Variants in KDM4C observed in about 807,000 individuals in gnomAD.
KDM4C encodes lysine-specific demethylase 4C.
In KDM4C, 81 loss-of-function variants were observed where a neutral mutation model predicts 129.3. That is an observed-to-expected ratio of 0.63 (90% CI 0.52 to 0.75). The LOEUF (loss-of-function observed/expected upper bound fraction) is 0.75, where lower values mean the gene tolerates loss of function less well. Among genes scored for constraint, KDM4C ranks in the 30% least tolerant of loss-of-function variants. The probability of loss-of-function intolerance (pLI) is 0.00; values close to 1 mark genes in which losing one functional copy is unlikely to be tolerated. For missense variants in KDM4C, 1,457 were observed against 1,304.0 expected (o/e 1.12, Z -1.81); for synonymous variants, 573 against 456.1 (o/e 1.26, Z -3.26).
chr9:7,021,140 G>GTGTA (rs111565497), intron 15 of KDM4C, among the ~76,000 whole-genome samples: 1,720 of 146,924 alleles, frequency 0.012, 38 homozygotes, highest in African/African-American at 0.041. Flanking sequence ...GTGTGTGTGT[G>GTGTA]TATATATATA....
intron 17 of KDM4C, among the ~76,000 whole-genome samples, chr9:7,075,030 G>T (rs969334928): frequency 2.0e-5 from 3 of 152,142 alleles, no homozygotes; most frequent in African/African-American, 7.2e-5. Flanking sequence ...GCAATAAACA[G>T]AGTCTCCTCT....
intron 17 of KDM4C, among the ~76,000 whole-genome samples, chr9:7,050,392 T>G (rs1008462993): frequency 3.6e-5 from 5 of 137,616 alleles, no homozygotes; most frequent in African/African-American, 1.4e-4. Context: ...GTATAATTCT[T>G]CAGCTCCTGG....
chr9:6,781,820 ATTT>A (rs771374868), intron 1 of KDM4C, among the ~76,000 whole-genome samples: 3 of 142,394 alleles, frequency 2.1e-5, no homozygotes, highest in African/African-American at 2.6e-5. Flanking sequence ...GTTATAAATA[ATTT>A]TTTTTTTTTT....
intron 21 of KDM4C, chr9:7,171,041 C>CGCTT (rs1250129401): frequency 6.6e-6 from 1 of 152,316 alleles, no homozygotes; most frequent in Non-Finnish European, 1.5e-5. Flanking sequence ...GGGTTGGACA[C>CGCTT]GCTTGCCTTA....
rs570387462 is a variant in KDM4C at position 6,993,251 on chromosome 9, T to C, written c.1786+2727T>C. ...TTTACATAAAAATTAGCATCTAACT[T>C]ATTCTTTTTTGGTGAAAAATAATGT... On this transcript the variant is annotated intron_variant, in intron 12 of 21. Transcript: ENST00000381309. Among the ~76,000 whole-genome samples the C allele has an allele frequency of 2.0e-5, 3 of 152,342 alleles. No individual in the cohort carries two copies. In the East Asian group the frequency reaches 5.8e-4, roughly 29 times the overall value.
chr9:7,030,496 G>A (rs1005816045), intron 15 of KDM4C, among the ~76,000 whole-genome samples: 3 of 152,130 alleles, frequency 2.0e-5, no homozygotes, highest in African/African-American at 7.2e-5. Flanking sequence ...AGGTTCATCA[G>A]TTGTAACAAA....
At chr9:7,143,835 T>C (rs554514999) in intron 19 of KDM4C, among the ~76,000 whole-genome samples, 3 of 152,348 alleles carry the variant, frequency 2.0e-5, no homozygotes, top group Admixed American at 1.3e-4. Flanking sequence ...GAGTAGTCTC[T>C]GTTGAAATGC....
At chr9:7,052,287 A>G (rs1465103357) in intron 17 of KDM4C, among the ~76,000 whole-genome samples, 1 of 152,250 alleles carries the variant, frequency 6.6e-6, no homozygotes, top group African/African-American at 2.4e-5. Flanking sequence ...TCTTATGGAA[A>G]TTGAACAACC....
At chr9:6,787,512 C>G (rs917275851) in intron 1 of KDM4C, among the ~76,000 whole-genome samples, 7 of 152,226 alleles carry the variant, frequency 4.6e-5, no homozygotes, top group African/African-American at 1.7e-4. Context: ...GGATTACAGG[C>G]GTGAGCCACC....
intron 8 of KDM4C, among the ~76,000 whole-genome samples, chr9:6,956,463 G>C (rs1171491607): frequency 6.6e-6 from 1 of 152,124 alleles, no homozygotes; most frequent in African/African-American, 2.4e-5. Context: ...GGTGTTTGTT[G>C]CCCACTAAAA....
intron 6 of KDM4C, among the ~76,000 whole-genome samples, chr9:6,883,567 G>T (rs1227728041): frequency 6.6e-6 from 1 of 152,168 alleles, no homozygotes; most frequent in East Asian, 1.9e-4. Context: ...TTCCTAGTGG[G>T]ATTTTAGACA....
intron 18 of KDM4C, among the ~76,000 whole-genome samples, chr9:7,113,612 C>G (rs1300317687): frequency 2.6e-5 from 4 of 152,134 alleles, no homozygotes; most frequent in Non-Finnish European, 4.4e-5. Flanking sequence ...CCCATGCTCA[C>G]AACAGCCTCA....
At chr9:7,147,976 G>A (rs10815529) in intron 19 of KDM4C, among the ~76,000 whole-genome samples, 122,902 of 152,152 alleles carry the variant, frequency 0.81, 50,076 homozygotes, top group African/African-American at 0.87. Context: ...CCCGGATCCC[G>A]TGCCTGCCAA....
At chr9:6,986,012 A>G (rs980245132) in intron 10 of KDM4C, among the ~76,000 whole-genome samples, 5 of 152,062 alleles carry the variant, frequency 3.3e-5, no homozygotes, top group Non-Finnish European at 1.5e-5. Context: ...TTTCTCTTAC[A>G]CTGTGTTTAA....
At chr9:6,819,571 A>T (rs1312305695) in intron 4 of KDM4C, among the ~76,000 whole-genome samples, 1 of 152,240 alleles carries the variant, frequency 6.6e-6, no homozygotes, top group Non-Finnish European at 1.5e-5. Flanking sequence ...CTTTTGTAGC[A>T]TAAGGAAAGA....
intron 17 of KDM4C, among the ~76,000 whole-genome samples, chr9:7,099,514 A>G (rs1836834388): frequency 6.6e-6 from 1 of 152,210 alleles, no homozygotes; most frequent in South Asian, 2.1e-4. Flanking sequence ...TCAGCCCTTG[A>G]CACTGAAGAA....
intron 6 of KDM4C, 32 bp downstream of exon 6, chr9:6,880,093 GT>G: frequency 1.4e-6 from 2 of 1,442,488 alleles, no homozygotes; most frequent in Non-Finnish European, 1.9e-6. Context: ...TGTTTTCTGT[GT>G]TTTATATGTT....
chr9:7,047,876 G>A (rs1010338395), intron 16 of KDM4C, among the ~76,000 whole-genome samples: 22 of 151,908 alleles, frequency 1.4e-4, no homozygotes, highest in African/African-American at 2.4e-4. Context: ...CTTACATTCC[G>A]CCTGGCCCCC....
intron 12 of KDM4C, among the ~76,000 whole-genome samples, chr9:7,004,300 C>T (rs979034985): frequency 5.9e-5 from 9 of 152,160 alleles, no homozygotes; most frequent in Admixed American, 3.9e-4. Flanking sequence ...GGCAAGGTTT[C>T]CCCCAGTTCA....
Sources: allele counts gnomAD v4.1 joint callset (sites outside exome capture counted in the v4.1 genomes callset), GRCh38; gene constraint gnomAD v4.1.1; transcripts MANE v1.5; gene names NCBI Gene and HGNC (gene_info 2026-07-23, HGNC 2026-07-21).